ADAMTS19: variants seen among roughly 807,000 people sequenced by gnomAD.
ADAMTS19 encodes A disintegrin and metalloproteinase with thrombospondin motifs 19.
Under a neutral mutation model 153.3 loss-of-function variants are expected in ADAMTS19, and 93 were observed. That is an observed-to-expected ratio of 0.61 (90% confidence interval 0.51 to 0.72). The LOEUF is 0.72. ADAMTS19 is among the 30% of genes least tolerant of loss of function. ADAMTS19 has a pLI of 0.00. For missense variants in ADAMTS19, 1,482 were observed against 1,552.1 expected (o/e 0.95, Z 0.76); for synonymous variants, 600 against 556.6 (o/e 1.08, Z -1.10).
intron 21 of ADAMTS19, among the ~76,000 whole-genome samples, chr5:129,708,669 A>G (rs1258928735): frequency 1.3e-5 from 2 of 150,710 alleles, no homozygotes; most frequent in Non-Finnish European, 3.0e-5. Flanking sequence ...GAAGTTTTAT[A>G]GAGTTAACCC....
chr5:129,694,476 G>A (rs1755468774), intron 18 of ADAMTS19, among the ~76,000 whole-genome samples: 1 of 151,746 alleles, frequency 6.6e-6, no homozygotes, highest in African/African-American at 2.4e-5. Context: ...CTAGCATAAA[G>A]ATAAATATTT....
chr5:129,560,251 A>C (rs1406994673), intron 7 of ADAMTS19, among the ~76,000 whole-genome samples: 1 of 152,236 alleles, frequency 6.6e-6, no homozygotes, highest in Non-Finnish European at 1.5e-5. Flanking sequence ...AAACAAAACA[A>C]AAACAGAGTC....
intron 21 of ADAMTS19, among the ~76,000 whole-genome samples, chr5:129,725,546 T>C (rs1248411367): frequency 6.6e-6 from 1 of 152,150 alleles, no homozygotes; most frequent in Non-Finnish European, 1.5e-5. Context: ...CCTGAGATCT[T>C]ATTGGAAAGT....
intron 7 of ADAMTS19, among the ~76,000 whole-genome samples, chr5:129,553,644 A>T (rs1309379318): frequency 1.3e-5 from 2 of 152,094 alleles, no homozygotes; most frequent in Non-Finnish European, 2.9e-5. Context: ...TGTCATCAGC[A>T]CCTCTGACAT....
chr5:129,466,220 T>C (rs2126641584), intron 2 of ADAMTS19, among the ~76,000 whole-genome samples: 1 of 152,226 alleles, frequency 6.6e-6, no homozygotes, highest in Non-Finnish European at 1.5e-5. Context: ...AAAGGTCCCA[T>C]CTGTCTCTAA....
chr5:129,693,037 G>C (rs1376622709), intron 18 of ADAMTS19, among the ~76,000 whole-genome samples: 1 of 152,054 alleles, frequency 6.6e-6, no homozygotes, highest in African/African-American at 2.4e-5. Context: ...AGGTCCAAAT[G>C]GTTTTAATAA....
intron 15 of ADAMTS19, among the ~76,000 whole-genome samples, chr5:129,663,364 T>C (rs1357891772): frequency 2.0e-5 from 3 of 152,194 alleles, no homozygotes; most frequent in Admixed American, 1.3e-4. Context: ...AGCATGACTT[T>C]TCTCTAGATT....
chr5:129,704,991 G>A (rs1237515026), intron 21 of ADAMTS19, among the ~76,000 whole-genome samples: 5 of 152,178 alleles, frequency 3.3e-5, no homozygotes, highest in Non-Finnish European at 5.9e-5. Flanking sequence ...ATATAGGGCT[G>A]TAGAAAATGT....
intron 2 of ADAMTS19, among the ~76,000 whole-genome samples, chr5:129,503,208 T>C (rs1751159505): frequency 6.6e-6 from 1 of 152,200 alleles, no homozygotes; most frequent in Non-Finnish European, 1.5e-5. Flanking sequence ...AGGCCTCGTA[T>C]ACCTTCATGA....
intron 10 of ADAMTS19, among the ~76,000 whole-genome samples, chr5:129,639,269 G>A (rs995201978): frequency 2.0e-5 from 3 of 152,132 alleles, no homozygotes; most frequent in Non-Finnish European, 4.4e-5. Flanking sequence ...TTGCTGTTAT[G>A]TACCTCTAAT....
At chr5:129,708,843 A>T (rs527801092) in intron 21 of ADAMTS19, among the ~76,000 whole-genome samples, 1 of 152,152 alleles carries the variant, frequency 6.6e-6, no homozygotes, top group Non-Finnish European at 1.5e-5. Flanking sequence ...AGTTTTGGAC[A>T]CATATAAAGT....
intron 3 of ADAMTS19, among the ~76,000 whole-genome samples, chr5:129,522,328 C>CATATATAT (rs1302441781): frequency 7.4e-4 from 65 of 88,122 alleles, no homozygotes; most frequent in African/African-American, 2.8e-3. Flanking sequence ...CACACACACA[C>CATATATAT]ACACATATAT....
chr5:129,728,249 T>A (rs1757289674), intron 21 of ADAMTS19, among the ~76,000 whole-genome samples: 1 of 152,178 alleles, frequency 6.6e-6, no homozygotes, highest in Non-Finnish European at 1.5e-5. Context: ...GGAAAATTCA[T>A]GAATAATCCA....
At chr5:129,503,466 C>T (rs572030779) in intron 2 of ADAMTS19, among the ~76,000 whole-genome samples, 2 of 152,278 alleles carry the variant, frequency 1.3e-5, no homozygotes, top group South Asian at 4.1e-4. Context: ...AGCCATATGT[C>T]ATGCCTACAC....
At chr5:129,532,008 A>T (rs1199423129) in intron 6 of ADAMTS19, among the ~76,000 whole-genome samples, 1 of 152,182 alleles carries the variant, frequency 6.6e-6, no homozygotes, top group Non-Finnish European at 1.5e-5. Flanking sequence ...ACATGTGTAA[A>T]ATTAATTCAA....
At chr5:129,608,404 AC>A (rs1372424498) in intron 8 of ADAMTS19, among the ~76,000 whole-genome samples, 1 of 151,846 alleles carries the variant, frequency 6.6e-6, no homozygotes, top group Non-Finnish European at 1.5e-5. Flanking sequence ...ATGTATAAGT[AC>A]TGGAGGCCTA....
In ADAMTS19 at chr5:129,684,082, T is replaced by G. The variant is rs757905688; in HGVS notation, c.2665-38T>G. On this transcript the variant is annotated intron_variant, in intron 17 of 22. Transcript: ENST00000274487. ...ATGCTTTACATTGCACGTGCTCTAG[T>G]TTGACCCATCTGCCTTGATCATTTT... The G allele has an allele frequency of 6.3e-6, 10 of 1,585,002 alleles. No homozygotes were observed. In the East Asian group the frequency reaches 2.0e-4, roughly 32 times the overall value.
chr5:129,578,347 C>T (rs1231323131), intron 7 of ADAMTS19, among the ~76,000 whole-genome samples: 2 of 59,740 alleles, frequency 3.3e-5, no homozygotes, highest in African/African-American at 6.9e-5. Flanking sequence ...CGTATACGTA[C>T]ATATACCTAT....
intron 3 of ADAMTS19, 34 bp downstream of exon 3, chr5:129,509,276 A>G: frequency 6.3e-7 from 1 of 1,586,958 alleles, no homozygotes. Flanking sequence ...TTTTAAGTAA[A>G]TATTCAATGT....
Sources: allele counts gnomAD v4.1 joint callset (sites outside exome capture counted in the v4.1 genomes callset), GRCh38; gene constraint gnomAD v4.1.1; transcripts MANE v1.5; gene names NCBI Gene and HGNC (gene_info 2026-07-23, HGNC 2026-07-21).